The following ADAMTSL1 variants were observed in gnomAD, a reference collection of about 807,000 sequenced individuals.
ADAMTSL1 encodes the protein ADAMTS like 1, also known as ADAMTS-like protein 1.
In ADAMTSL1, 126 loss-of-function variants were observed where a neutral mutation model predicts 201.8. The ratio of observed to expected loss-of-function variants is 0.62; its 90% CI spans 0.54 to 0.72. ADAMTSL1 has a LOEUF of 0.72. Among genes scored for constraint, ADAMTSL1 ranks in the 30% least tolerant of loss-of-function variants. The pLI is 0.00. For synonymous variants in ADAMTSL1, 1,121 were observed against 903.4 expected (o/e 1.24, Z -4.32); for missense variants, 2,679 against 2,277.8 (o/e 1.18, Z -3.59).
chr9:18,542,378 G>C (rs1331535797), intron 3 of ADAMTSL1, among the ~76,000 whole-genome samples: 2 of 152,092 alleles, frequency 1.3e-5, no homozygotes, highest in African/African-American at 4.8e-5. Flanking sequence ...CTCATTACCT[G>C]TTATGTTTTG....
At chr9:18,089,564 T>C (rs1823916767) in intron 1 of ADAMTSL1, among the ~76,000 whole-genome samples, 1 of 152,184 alleles carries the variant, frequency 6.6e-6, no homozygotes, top group Admixed American at 6.5e-5. Context: ...TGTATACACA[T>C]GTAACAAACC....
chr9:18,561,064 C>A (rs1461076825), intron 3 of ADAMTSL1, among the ~76,000 whole-genome samples: 1 of 151,840 alleles, frequency 6.6e-6, no homozygotes, highest in African/African-American at 2.4e-5. Flanking sequence ...AATTCCTGTT[C>A]CTGTTTTGAA....
intron 2 of ADAMTSL1, among the ~76,000 whole-genome samples, chr9:18,223,880 G>A (rs566430240): frequency 6.6e-5 from 10 of 152,030 alleles, no homozygotes; most frequent in Admixed American, 3.3e-4. Context: ...TGGGTTTAAC[G>A]TGTGTTCCTC....
chr9:18,322,677 A>G (rs928556227), intron 2 of ADAMTSL1, among the ~76,000 whole-genome samples: 1 of 152,142 alleles, frequency 6.6e-6, no homozygotes, highest in Admixed American at 6.5e-5. Context: ...AAAAACCGTT[A>G]GCAATACCAA....
chr9:18,568,471 C>A (rs1196297713), intron 3 of ADAMTSL1, among the ~76,000 whole-genome samples: 1 of 151,998 alleles, frequency 6.6e-6, no homozygotes. Context: ...TTGAGGATTC[C>A]TAATATTTTG....
chr9:18,869,284 C>G (rs982748397), intron 23 of ADAMTSL1, among the ~76,000 whole-genome samples: 1 of 152,216 alleles, frequency 6.6e-6, no homozygotes, highest in South Asian at 2.1e-4. Context: ...TCATCTTATA[C>G]AAGCCAAGGC....
intron 1 of ADAMTSL1, among the ~76,000 whole-genome samples, chr9:17,939,743 G>C (rs1265388645): frequency 1.3e-5 from 2 of 151,966 alleles, no homozygotes; most frequent in East Asian, 3.9e-4. Flanking sequence ...TTAAACACTT[G>C]GGATAAAATC....
chr9:18,510,574 G>T (rs1277774587), intron 2 of ADAMTSL1, among the ~76,000 whole-genome samples: 1 of 152,016 alleles, frequency 6.6e-6, no homozygotes, highest in African/African-American at 2.4e-5. Flanking sequence ...TATGATATTG[G>T]AACACTGATC....
chr9:18,631,438 T>A (rs139721754), intron 5 of ADAMTSL1, among the ~76,000 whole-genome samples: 47 of 152,312 alleles, frequency 3.1e-4, no homozygotes, highest in African/African-American at 1.1e-3. Context: ...CTCCTCAAGA[T>A]TGGCAGACTA....
chr9:18,350,003 A>G (rs569424489), intron 2 of ADAMTSL1, among the ~76,000 whole-genome samples: 1 of 152,004 alleles, frequency 6.6e-6, no homozygotes, highest in Admixed American at 6.6e-5. Context: ...AAAAAAGCAC[A>G]ATGTGTTGTT....
intron 4 of ADAMTSL1, among the ~76,000 whole-genome samples, chr9:18,583,574 AGG>A (rs374069502): frequency 2.2e-4 from 33 of 152,278 alleles, no homozygotes; most frequent in East Asian, 1.9e-3. Flanking sequence ...CTGTGAGACA[AGG>A]GCCACCATCC....
chr9:18,022,553 T>C (rs1237913488), intron 1 of ADAMTSL1, among the ~76,000 whole-genome samples: 1 of 152,102 alleles, frequency 6.6e-6, no homozygotes, highest in African/African-American at 2.4e-5. Flanking sequence ...ATTTTTTTTT[T>C]AGTTGAAGAA....
chr9:17,939,272 T>TG (rs1323066299), intron 1 of ADAMTSL1, among the ~76,000 whole-genome samples: 28 of 145,350 alleles, frequency 1.9e-4, no homozygotes, highest in Non-Finnish European at 1.5e-5. Flanking sequence ...TACCTAACCT[T>TG]GCAAAGCCTC....
intron 4 of ADAMTSL1, among the ~76,000 whole-genome samples, chr9:18,602,567 G>T (rs1419645183): frequency 6.6e-6 from 1 of 152,052 alleles, no homozygotes; most frequent in African/African-American, 2.4e-5. Flanking sequence ...ATTGTTCCAG[G>T]GTATTGCTGC....
chr9:18,777,021 A>T lies in ADAMTSL1; in HGVS notation c.2792A>T (p.Tyr931Phe). 1 of 1,607,490 alleles carries T rather than the reference A, an allele frequency of 6.2e-7. No homozygotes were observed. The highest frequency in any genetic ancestry group is 8.5e-7 in the Non-Finnish European group (1 of 1,175,730). ...STHVTVAPFGYLKIHRLKPSD... is the reference protein window; with the variant it reads ...STHVTVAPFGFLKIHRLKPSD... The stretch of plus-strand genomic sequence containing the variant: ...CACGTCACGGTGGCCCCCTTCGGCT[A>T]TCTCAAGATCCACCGCCTCAAGCCC... The change falls in exon 19 of 29, where the codon TAT (tyrosine) becomes TTT (phenylalanine). Residue 931 changes from tyrosine (Y) to phenylalanine (F), a missense_variant. Coordinates refer to ENST00000380548, the MANE Select transcript of ADAMTSL1 (RefSeq NM_001040272.6).
intron 19 of ADAMTSL1, among the ~76,000 whole-genome samples, chr9:18,783,758 A>G (rs561525128): frequency 1.3e-5 from 2 of 152,350 alleles, no homozygotes; most frequent in South Asian, 2.1e-4. Context: ...TGACTTTTAC[A>G]TTTTTAAAAG....
intron 2 of ADAMTSL1, among the ~76,000 whole-genome samples, chr9:18,195,064 A>G (rs1417740714): frequency 6.6e-6 from 1 of 152,126 alleles, no homozygotes; most frequent in Non-Finnish European, 1.5e-5. Context: ...ATTAAATGAT[A>G]TATGGGAACC....
chr9:18,613,784 G>A (rs1825534772), intron 4 of ADAMTSL1, among the ~76,000 whole-genome samples: 1 of 152,050 alleles, frequency 6.6e-6, no homozygotes, highest in South Asian at 2.1e-4. Context: ...TGGGTACTAG[G>A]CTTAGTACCT....
chr9:18,853,918 T>TGC (rs1554648786), intron 23 of ADAMTSL1, among the ~76,000 whole-genome samples: 2,279 of 145,476 alleles, frequency 0.016, 18 homozygotes, highest in Non-Finnish European at 0.023. Flanking sequence ...TGTGTGTGTG[T>TGC]GCGCGTGCAT....
Sources: allele counts gnomAD v4.1 joint callset (sites outside exome capture counted in the v4.1 genomes callset), GRCh38; gene constraint gnomAD v4.1.1; transcripts MANE v1.5; gene names NCBI Gene and HGNC (gene_info 2026-07-23, HGNC 2026-07-21).